Variants in MON1B observed in about 807,000 individuals in gnomAD.
The protein encoded by MON1B is vacuolar fusion protein MON1 homolog B.
In MON1B, 26 loss-of-function variants were observed where a neutral mutation model predicts 45.1. The ratio of observed to expected loss-of-function variants is 0.58; its 90% CI spans 0.42 to 0.80. The LOEUF (loss-of-function observed/expected upper bound fraction) is 0.80, where lower values mean the gene tolerates loss of function less well. MON1B is among the 30% of genes least tolerant of loss of function. The pLI is 0.00. For synonymous variants in MON1B, 395 were observed against 320.2 expected, an observed-to-expected ratio of 1.23 and a Z score of -2.49; for missense variants, 737 against 754.5, an observed-to-expected ratio of 0.98 and a Z score of 0.27.
chr16:77,202,113 G>C lies in MON1B; in HGVS notation c.*3805G>C, dbSNP rs1044695811. The C allele has an allele frequency of 6.6e-6, 1 of 152,166 alleles. No homozygotes were observed. Among genetic ancestry groups the C allele is most frequent in the Non-Finnish European group, 1.5e-5 (1 of 68,028 alleles). 9.4% of individuals were successfully genotyped at this position (152,166 alleles called of 1,614,324 possible). ...TATAATTTTAAAATATAAAGGAGAA[G>C]AGGCAAAATGTTGAATGGCACCTGA... On this transcript the variant is annotated 3_prime_UTR_variant, in exon 6 of 6. Transcript: ENST00000248248.
rs781305452 is a variant in MON1B, at chr16:77,195,081, C to T, written c.1222C>T (p.Pro408Ser). The T allele has an allele frequency of 1.2e-5, 20 of 1,604,042 alleles. No individual in the cohort carries two copies. The highest frequency in any genetic ancestry group is 1.7e-5 in the Non-Finnish European group (20 of 1,179,690). The part of the protein sequence containing the change: ...PAYSVQAVGA[P>S]GLRHFLYKPL... ...CTACAGCGTGCAGGCTGTCGGGGCG[C>T]CGGGCCTCCGGCACTTCCTGTATAA... is the stretch of plus-strand genomic sequence containing the variant. The change falls in exon 4 of 6, where the codon CCG (proline) becomes TCG (serine). Residue 408 changes from proline to serine, a missense_variant. By Grantham distance (74) the Pro-to-Ser change is moderately conservative (BLOSUM62 -1). Transcript: ENST00000248248.
chr16:77,195,659 G>A lies in MON1B; in HGVS notation c.1420G>A (p.Glu474Lys). 1.9e-6 allele frequency: 3 copies of A among 1,614,162 alleles called. No individual in the cohort carries two copies. Among genetic ancestry groups the A allele is most frequent in the African/African-American group, 2.7e-5 (2 of 75,028 alleles). ...RPLRLIYHVAEKETLLAWVTS... is the reference protein window; with the variant it reads ...RPLRLIYHVAKKETLLAWVTS... ...CCTGCGCCTCATTTACCACGTGGCT[G>A]AGAAGGAGACACTACTGGCCTGGGT... The change falls in exon 5 of 6, where the codon GAG becomes AAG. Residue 474 changes from glutamate (E) to lysine (K), a missense_variant. Transcript: ENST00000248248.
In MON1B at chr16:77,194,105, G is replaced by T; in HGVS notation, c.476-230G>T. On this transcript the variant is annotated intron_variant, in intron 3 of 5. Coordinates refer to ENST00000248248, the MANE Select transcript of MON1B (RefSeq NM_014940.4). This position sits in a 1 kb window ranked among gnomAD's most constrained non-coding sequence, Gnocchi z 8.1. ...GTACCATCTCTACCCGCCTGCCCGT[G>T]GTCTTTGCTGTGTATCTAACCTACT... 1.6e-6 allele frequency: 1 copy of T among 614,588 alleles called. No individual in the cohort carries two copies. The highest frequency in any genetic ancestry group is 2.9e-6 in the Non-Finnish European group (1 of 344,378). The allele number at this position is 614,588 out of a possible 1,614,324, so 38.1% of individuals were successfully genotyped here.
chr16:77,193,495 C>T lies in MON1B; in HGVS notation c.193C>T (p.Gln65Ter). 1 of 1,599,480 alleles carries T rather than the reference C, an allele frequency of 6.3e-7. No homozygotes were observed. The highest frequency in any genetic ancestry group is 8.5e-7 in the Non-Finnish European group (1 of 1,171,142). Reference protein sequence around the residue: ...DQPPSPSPPPQSEALSSTSRL... With the variant: ...DQPPSPSPPP ...GCCACCCAGCCCATCACCACCGCCC[C>T]AGTCAGAGGCCCTGTCAAGCACCTC... The change falls in exon 3 of 6, where the codon CAG (glutamine) becomes TAG (stop). Residue 65 changes from glutamine to a stop codon, truncating the protein, a stop_gained. Transcript: ENST00000248248. LOFTEE classifies it high-confidence loss of function. This position sits in a 1 kb window ranked among gnomAD's most constrained non-coding sequence, Gnocchi z 5.0.
Position 77,195,662 on chromosome 16 carries a change from A to G in MON1B, c.1423A>G (p.Lys475Glu). 6.2e-7 allele frequency: 1 copy of G among 1,614,130 alleles called. No homozygotes were observed. The highest frequency in any genetic ancestry group is 8.5e-7 in the Non-Finnish European group (1 of 1,180,010). ...GCGCCTCATTTACCACGTGGCTGAG[A>G]AGGAGACACTACTGGCCTGGGTAAG... ...PLRLIYHVAE[K>E]ETLLAWVTSK... The change falls in exon 5 of 6, where the codon AAG becomes GAG. Residue 475 changes from lysine to glutamate, a missense_variant. Transcript: ENST00000248248.
rs2054696396 is a variant in MON1B at position 77,198,870 on chromosome 16, G to GGCT, written c.*569_*571dup. ...CCAGAAATGACCCGCCCTCAATGCT[G>GGCT]GCTGCTGCTAACATTAATGAGAAGG... is the stretch of plus-strand genomic sequence containing the variant. On this transcript the variant is annotated 3_prime_UTR_variant, in exon 6 of 6. Coordinates refer to ENST00000248248, the MANE Select transcript of MON1B (RefSeq NM_014940.4). The GGCT allele has an allele frequency of 6.1e-6, 1 of 164,110 alleles. No individual in the cohort carries two copies. Among genetic ancestry groups the GGCT allele is most frequent in the African/African-American group, 2.4e-5 (1 of 41,608 alleles). 10.2% of individuals were successfully genotyped at this position (164,110 alleles called of 1,614,324 possible).
rs376857114 is a variant in MON1B at position 77,194,478 on chromosome 16, G to A, written c.619G>A (p.Ala207Thr). The change falls in exon 4 of 6, where the codon GCC (alanine) becomes ACC (threonine). Residue 207 changes from alanine to threonine, a missense_variant. Ala to Thr is a moderately conservative substitution (Grantham distance 58). Transcript: ENST00000248248. This position sits in a 1 kb window ranked among gnomAD's most constrained non-coding sequence, Gnocchi z 8.1. ...IVSTLTRASV[A>T]RIFAHKQNYD... The stretch of plus-strand genomic sequence containing the variant: ...GAGCACACTTACACGTGCAAGTGTC[G>A]CCCGCATCTTCGCACACAAGCAGAA... 41 of 1,614,080 alleles carry A rather than the reference G, an allele frequency of 2.5e-5. No individual in the cohort carries two copies. The highest frequency in any genetic ancestry group is 2.3e-4 in the African/African-American group (17 of 75,046).
At position 77,198,320 on chromosome 16, in the gene MON1B, C is replaced by T. The variant is rs771919791; in HGVS notation, c.*12C>T. On this transcript the variant is annotated 3_prime_UTR_variant, in exon 6 of 6. Transcript: ENST00000248248. Reference sequence around the variant, plus strand: ...TCACTGGACTCTGATAGTTGGAGCTCCCAGACCAGGCAGTGCTGGGAGCAA... The same window carrying T: ...TCACTGGACTCTGATAGTTGGAGCTTCCAGACCAGGCAGTGCTGGGAGCAA... 3.7e-6 allele frequency: 6 copies of T among 1,612,522 alleles called. No homozygotes were observed. The South Asian group carries it at 6.6e-5, about 18-fold the overall frequency.
At position 77,194,301 on chromosome 16, in the gene MON1B, C is replaced by G. The variant is rs2054641571; in HGVS notation, c.476-34C>G. The stretch of plus-strand genomic sequence containing the variant: ...CTCCCTCTGGTCATTCCTGATCCAG[C>G]TGTACCCCCCCTTCTTACCCCTTCC... On this transcript the variant is annotated intron_variant, in intron 3 of 5. Coordinates refer to ENST00000248248, the MANE Select transcript of MON1B (RefSeq NM_014940.4). This position sits in a 1 kb window ranked among gnomAD's most constrained non-coding sequence, Gnocchi z 8.1. 5 of 1,564,876 alleles carry G rather than the reference C, an allele frequency of 3.2e-6. No individual in the cohort carries two copies. Among genetic ancestry groups the G allele is most frequent in the Non-Finnish European group, 3.5e-6 (4 of 1,148,484 alleles).
Position 77,199,655 on chromosome 16 carries a change from A to AT in MON1B, c.*1353dup, listed in dbSNP as rs1417473223. ...AGCCTTTTGTTATTGAAGAAAAACA[A>AT]TTTTTTAACCGTTCAGCACAGTGGA... On this transcript the variant is annotated 3_prime_UTR_variant, in exon 6 of 6. Transcript: ENST00000248248. 3 of 706,078 alleles carry AT rather than the reference A, an allele frequency of 4.2e-6. No individual in the cohort carries two copies. Among genetic ancestry groups the AT allele is most frequent in the Non-Finnish European group, 7.0e-6 (3 of 425,702 alleles). 43.7% of individuals were successfully genotyped at this position (706,078 alleles called of 1,614,324 possible).
rs149390113 is a variant in MON1B, at chr16:77,193,845, G to C, written c.475+68G>C. 7.5e-4 allele frequency: 1,111 copies of C among 1,491,180 alleles called. 11 individuals are homozygous for C. In the African/African-American group the frequency reaches 0.014, roughly 18 times the overall value. 92.4% of individuals were successfully genotyped at this position (1,491,180 alleles called of 1,614,324 possible). ...GAATATGGCTGGCACGGGTAGGTCT[G>C]TCTGCCTCAGGCACTATCCAGCCAG... On this transcript the variant is annotated intron_variant, in intron 3 of 5. Coordinates refer to ENST00000248248, the MANE Select transcript of MON1B (RefSeq NM_014940.4). This position sits in a 1 kb window ranked among gnomAD's most constrained non-coding sequence, Gnocchi z 5.0.
Position 77,195,515 on chromosome 16 carries a change from A to C in MON1B, c.1296-20A>C, listed in dbSNP as rs1462676168. The C allele has an allele frequency of 9.3e-6, 15 of 1,604,618 alleles. 1 individual carries two copies. In the East Asian group the frequency reaches 1.3e-4, roughly 14 times the overall value. Reference sequence around the variant, plus strand: ...AGGCCCTGGACTAACCTTGTCCTCCACCTCCCTCCATCATGGCAGCCCTGA... The same window carrying C: ...AGGCCCTGGACTAACCTTGTCCTCCCCCTCCCTCCATCATGGCAGCCCTGA... On this transcript the variant is annotated intron_variant, in intron 4 of 5. Transcript: ENST00000248248.
intron 5 of MON1B, 38 bp downstream of exon 5, chr16:77,195,720 C>T: frequency 1.2e-6 from 2 of 1,608,410 alleles, no homozygotes; most frequent in Non-Finnish European, 1.7e-6. Flanking sequence ...TAATTCCCCA[C>T]TTCAAGCCTC....
chr16:77,192,443 G>A (rs1340358804), intron 2 of MON1B, among the ~76,000 whole-genome samples: 1 of 152,174 alleles, frequency 6.6e-6, no homozygotes, highest in Non-Finnish European at 1.5e-5. Context: ...GTTGTCATTG[G>A]GGGATGAATG....
Position 77,194,278 on chromosome 16 carries a change from C to T in MON1B, c.476-57C>T, listed in dbSNP as rs1309989167. 1.4e-6 allele frequency: 2 copies of T among 1,467,338 alleles called. No homozygotes were observed. Among genetic ancestry groups the T allele is most frequent in the East Asian group, 2.3e-5 (1 of 44,194 alleles). The allele number at this position is 1,467,338 out of a possible 1,614,324, so 90.9% of individuals were successfully genotyped here. On this transcript the variant is annotated intron_variant, in intron 3 of 5. Transcript: ENST00000248248. The surrounding 1 kb of genome is among the most constrained non-coding windows in gnomAD (Gnocchi z 8.1). ...AGAGGGCAGAAGAGCCCCACTGTCT[C>T]CCTCTGGTCATTCCTGATCCAGCTG...
intron 5 of MON1B, among the ~76,000 whole-genome samples, chr16:77,196,829 C>T (rs2054669978): frequency 1.3e-5 from 2 of 152,136 alleles, no homozygotes; most frequent in South Asian, 4.1e-4. Context: ...TTTTAATTTT[C>T]TATCAATATT....
In MON1B at chr16:77,194,640, C is replaced by G; in HGVS notation, c.781C>G (p.Leu261Val). 6.2e-7 allele frequency: 1 copy of G among 1,613,852 alleles called. No individual in the cohort carries two copies. The highest frequency in any genetic ancestry group is 8.5e-7 in the Non-Finnish European group (1 of 1,179,928). Residue 261 changes from leucine to valine, a missense_variant, in exon 4 of 6, where the codon CTA becomes GTA. By Grantham distance (32) the Leu-to-Val change is conservative (BLOSUM62 1). Transcript: ENST00000248248. The surrounding 1 kb of genome is among the most constrained non-coding windows in gnomAD (Gnocchi z 8.1). ...VPLARPLRDA[L>V]GALLRRCTAP... ...CCTTGCCCGCCCGCTGCGAGACGCA[C>G]TAGGTGCGCTCCTCCGACGTTGCAC...
intron 2 of MON1B, among the ~76,000 whole-genome samples, chr16:77,192,770 GGT>G (rs1173777322): frequency 1.3e-5 from 2 of 152,048 alleles, no homozygotes; most frequent in East Asian, 1.9e-4. Context: ...TGAAAAACCA[GGT>G]GTTAATGATT....
Position 77,193,677 on chromosome 16 carries a change from G to T in MON1B, c.375G>T (p.Arg125=). Reference sequence around the variant, plus strand: ...AGGCTGGCAAGCCCATCTACTCGCGGTATGGTAGTGTGGAGGCGCTGTCGG... The same window carrying T: ...AGGCTGGCAAGCCCATCTACTCGCGTTATGGTAGTGTGGAGGCGCTGTCGG... The part of the protein sequence containing the change: ...LSEAGKPIYS[R]YGSVEALSAT... Residue 125 remains arginine (R), a synonymous_variant, in exon 3 of 6, where the codon CGG becomes CGT. Coordinates refer to ENST00000248248, the MANE Select transcript of MON1B (RefSeq NM_014940.4). This position sits in a 1 kb window ranked among gnomAD's most constrained non-coding sequence, Gnocchi z 5.0. The T allele has an allele frequency of 6.2e-7, 1 of 1,614,110 alleles. No homozygotes were observed. Among genetic ancestry groups the T allele is most frequent in the Non-Finnish European group, 8.5e-7 (1 of 1,179,980 alleles).
Sources: gnomAD v4.1 joint callset for allele counts (sites outside exome capture counted in the v4.1 genomes callset) on GRCh38, gnomAD v4.1.1 for gene constraint, Gnocchi (gnomAD v3.1) non-coding constraint, MANE v1.5 for transcripts, NCBI Gene and HGNC (gene_info 2026-07-23, HGNC 2026-07-21) for gene names.